The following CD163L1 variants were observed in gnomAD, a reference collection of about 807,000 sequenced individuals.
CD163L1 encodes scavenger receptor cysteine-rich type 1 protein M160.
A neutral mutation model predicts 165.4 loss-of-function variants in CD163L1; 124 were observed. The observed-to-expected ratio is 0.75, with a 90% confidence interval of 0.65 to 0.87. The LOEUF is 0.87. Ranked by LOEUF, CD163L1 falls within the 40% of genes least tolerant of loss-of-function variation. The pLI, the probability that CD163L1 is intolerant of heterozygous loss-of-function variation, is 0.00. For synonymous variants in CD163L1, 585 were observed against 662.2 expected (o/e 0.88, Z 1.79); for missense variants, 1,525 against 1,799.9 (o/e 0.85, Z 2.76).
At chr12:7,387,653 C>T (rs2136466611) in intron 8 of CD163L1, among the ~76,000 whole-genome samples, 1 of 152,250 alleles carries the variant, frequency 6.6e-6, no homozygotes, top group East Asian at 1.9e-4. Flanking sequence ...TCCCCTTTTG[C>T]CATGCTACCT....
At chr12:7,433,297 T>G (rs185170148) in intron 3 of CD163L1, 77 bp downstream of exon 3, 1 of 1,333,252 alleles carries the variant, frequency 7.5e-7, no homozygotes, top group East Asian at 2.3e-5. Context: ...AAAGTCATAA[T>G]AGAAACCCCT....
intron 18 of CD163L1, among the ~76,000 whole-genome samples, chr12:7,361,801 T>A (rs1385206633): frequency 6.6e-6 from 1 of 152,150 alleles, no homozygotes; most frequent in Non-Finnish European, 1.5e-5. Context: ...GTGTACGATT[T>A]GGTGAAATGA....
Position 7,367,349 on chromosome 12 carries a change from ATGG to A in CD163L1, c.4184-21_4184-19del. 1 of 1,545,816 alleles carries A rather than the reference ATGG, an allele frequency of 6.5e-7. No individual in the cohort carries two copies. The highest frequency in any genetic ancestry group is 8.9e-7 in the Non-Finnish European group (1 of 1,118,326). On this transcript the variant is annotated intron_variant, in intron 17 of 19. Coordinates refer to ENST00000313599, the MANE Select transcript of CD163L1 (RefSeq NM_174941.6). Reference sequence around the variant, plus strand: ...GGTTGAAACTGAGAATGGATGCTTCATGGTTAGGATTCAAATTCAAATGGCCTA... The same window carrying A: ...GGTTGAAACTGAGAATGGATGCTTCATTAGGATTCAAATTCAAATGGCCTA...
intron 18 of CD163L1, 61 bp downstream of exon 18, chr12:7,367,175 A>T: frequency 3.1e-6 from 3 of 966,020 alleles, no homozygotes; most frequent in Non-Finnish European, 4.8e-6. Context: ...CCTAAATATC[A>T]GCGGTATTTC....
Position 7,369,698 on chromosome 12 carries a change from C to G in CD163L1, c.3731-33G>C. On this transcript the variant is annotated intron_variant, in intron 14 of 19. Transcript: ENST00000313599. This position sits in a 1 kb window ranked among gnomAD's most constrained non-coding sequence, Gnocchi z 4.9. ...GGCACAAAACATGGCTGTCTTTACT[C>G]CTGAAGGAGGTTGTGGGAGAATGCT... The G allele has an allele frequency of 6.3e-7, 1 of 1,582,192 alleles. No homozygotes were observed. Among genetic ancestry groups the G allele is most frequent in the South Asian group, 1.1e-5 (1 of 87,886 alleles).
At position 7,368,173 on chromosome 12, in the gene CD163L1, C is replaced by T. The variant is rs1286917242; in HGVS notation, c.4097G>A (p.Ser1366Asn). ...AACCAGGAGAAGGAGCCCAAAGATA[C>T]TGGATAAAATAAGTGCTAAATGACC... The part of the protein sequence containing the change: ...SSGHLALILS[S>N]IFGLLLLVLF... The change falls in exon 17 of 20, where the codon AGT (serine) becomes AAT (asparagine). Residue 1366 changes from serine (S) to asparagine (N), a missense_variant. Ser to Asn is a conservative substitution (Grantham distance 46). Transcript: ENST00000313599. This position sits in a 1 kb window ranked among gnomAD's most constrained non-coding sequence, Gnocchi z 4.3. 6.2e-7 allele frequency: 1 copy of T among 1,606,178 alleles called. No homozygotes were observed. Among genetic ancestry groups the T allele is most frequent in the East Asian group, 2.2e-5 (1 of 44,804 alleles).
At chr12:7,385,547 G>A (rs1270418505) in intron 8 of CD163L1, among the ~76,000 whole-genome samples, 2 of 151,976 alleles carry the variant, frequency 1.3e-5, no homozygotes, top group Non-Finnish European at 2.9e-5. Context: ...CTCAACAGCT[G>A]TAGAATATAC....
At chr12:7,421,251 TATATGTA>T (rs1948374957) in intron 4 of CD163L1, among the ~76,000 whole-genome samples, 1 of 128,772 alleles carries the variant, frequency 7.8e-6, no homozygotes, top group Non-Finnish European at 1.6e-5. Flanking sequence ...TTGGAAGATA[TATATGTA>T]TATATCTTCC....
In CD163L1 at chr12:7,432,648, A is replaced by G. The variant is rs781404017; in HGVS notation, c.534T>C (p.Thr178=). Residue 178 remains threonine (T), a synonymous_variant, in exon 4 of 20, where the codon ACT becomes ACC. Transcript: ENST00000313599. This position sits in a 1 kb window ranked among gnomAD's most constrained non-coding sequence, Gnocchi z 4.2. ...VEVKFQERWG[T]ICDDGWNLNT... ...TCAAGTTCCACCCATCATCACATATAGTTCCCCACCTTTCTTGGAATTTCA... is the reference window on the plus strand; with the variant it reads ...TCAAGTTCCACCCATCATCACATATGGTTCCCCACCTTTCTTGGAATTTCA... 5 of 1,614,144 alleles carry G rather than the reference A, an allele frequency of 3.1e-6. No homozygotes were observed. The highest frequency in any genetic ancestry group is 4.2e-6 in the Non-Finnish European group (5 of 1,180,032).
chr12:7,443,987 G>GT (rs1948860335), intron 1 of CD163L1, 110 bp downstream of exon 1: 1 of 1,050,202 alleles, frequency 9.5e-7, no homozygotes, highest in African/African-American at 1.6e-5. Flanking sequence ...CTCATGTCCT[G>GT]TTTTCTTTTT....
intron 4 of CD163L1, among the ~76,000 whole-genome samples, chr12:7,418,683 CA>C (rs1257538940): frequency 6.6e-6 from 1 of 151,712 alleles, no homozygotes; most frequent in East Asian, 1.9e-4. Context: ...CAAATAGAAA[CA>C]AAATAAGAAA....
downstream of CD163L1, among the ~76,000 whole-genome samples, chr12:7,345,851 G>T (rs776604005): frequency 6.6e-6 from 1 of 152,168 alleles, no homozygotes; most frequent in Non-Finnish European, 1.5e-5. Context: ...GAAGGCAAAG[G>T]GGGTAGAGTG....
At chr12:7,370,027 T>C (rs1397210865) in intron 14 of CD163L1, among the ~76,000 whole-genome samples, 1 of 152,230 alleles carries the variant, frequency 6.6e-6, no homozygotes, top group East Asian at 1.9e-4. Flanking sequence ...TTTCTCCAAA[T>C]ATAACTAATG....
rs149935523 is a variant in CD163L1 at position 7,424,434 on chromosome 12, G to C, written c.766+7982C>G. ...CCCTTTGAAAACCAGCACAAGACAA[G>C]GATGCCCTCTCTCACCACTCCTATT... On this transcript the variant is annotated intron_variant, in intron 4 of 19. Coordinates refer to ENST00000313599, the MANE Select transcript of CD163L1 (RefSeq NM_174941.6). Among the ~76,000 whole-genome samples, 1,436 of 152,232 alleles carry C rather than the reference G, an allele frequency of 9.4e-3. 19 individuals carry two copies. Among genetic ancestry groups the C allele is most frequent in the African/African-American group, 0.033 (1,360 of 41,520 alleles).
the CD163L1 span, among the ~76,000 whole-genome samples, chr12:7,324,872 G>A: frequency 1.3e-5 from 2 of 151,236 alleles, no homozygotes; most frequent in African/African-American, 2.4e-5. Flanking sequence ...TAAGTGACAA[G>A]TACTTAAGTA....
In CD163L1 at chr12:7,406,554, G is replaced by A. The variant is rs369551730; in HGVS notation, c.1065C>T (p.Asn355=). The A allele has an allele frequency of 2.8e-5, 45 of 1,613,882 alleles. 1 individual carries two copies. In the Admixed American group the frequency reaches 3.2e-4, roughly 11 times the overall value. Residue 355 remains asparagine, a synonymous_variant, in exon 5 of 20, where the codon AAC becomes AAT. Transcript: ENST00000313599. ...GTVNFDCLHQ[N]DVSVICSDGA... Reference sequence around the variant, plus strand: ...TACCTGAGCAGATCACAGACACATCGTTTTGATGAAGACAGTCAAAATTGA... The same window carrying A: ...TACCTGAGCAGATCACAGACACATCATTTTGATGAAGACAGTCAAAATTGA...
At chr12:7,348,987 G>A (rs1450031346) in intron 4 of CD163L1, among the ~76,000 whole-genome samples, 1 of 152,028 alleles carries the variant, frequency 6.6e-6, no homozygotes, top group Non-Finnish European at 1.5e-5. Flanking sequence ...GAGACTTAAG[G>A]GGAAAAATTA....
intron 2 of CD163L1, chr12:7,439,163 T>C (rs1948779889): frequency 1.9e-6 from 3 of 1,575,004 alleles, no homozygotes; most frequent in South Asian, 1.2e-5. Context: ...CCCTTCATTG[T>C]CATCCTCCGG....
At chr12:7,338,234 A>G in the CD163L1 span, among the ~76,000 whole-genome samples, 2 of 152,216 alleles carry the variant, frequency 1.3e-5, no homozygotes, top group African/African-American at 4.8e-5. Context: ...TGATGGGTGT[A>G]GCAAACCACC....
Sources: allele counts gnomAD v4.1 joint callset (sites outside exome capture counted in the v4.1 genomes callset), GRCh38; gene constraint gnomAD v4.1.1; non-coding constraint Gnocchi (gnomAD v3.1); transcripts MANE v1.5; gene names NCBI Gene and HGNC (gene_info 2026-07-23, HGNC 2026-07-21).